SLC24A3: variants seen among roughly 807,000 people sequenced by gnomAD.
SLC24A3 encodes solute carrier family 24 member 3, also known as sodium/potassium/calcium exchanger 3.
SLC24A3 carries 28 observed loss-of-function variants against 75.8 expected under a neutral mutation model. The observed-to-expected ratio is 0.37, with a 90% confidence interval of 0.27 to 0.51. The LOEUF is 0.51. Ranked by LOEUF, SLC24A3 falls within the 20% of genes least tolerant of loss-of-function variation. The pLI, the probability that SLC24A3 is intolerant of heterozygous loss-of-function variation, is 0.94. For missense variants in SLC24A3, 663 were observed against 847.8 expected, an observed-to-expected ratio of 0.78 and a Z score of 2.71; for synonymous variants, 372 against 334.1, an observed-to-expected ratio of 1.11 and a Z score of -1.24.
At chr20:19,436,647 G>T (rs1300445840) in intron 2 of SLC24A3, among the ~76,000 whole-genome samples, 1 of 152,162 alleles carries the variant, frequency 6.6e-6, no homozygotes, top group Non-Finnish European at 1.5e-5. Flanking sequence ...TCATGTATCT[G>T]CTTTCACAGG....
At chr20:19,465,249 G>T (rs1461472914) in intron 2 of SLC24A3, among the ~76,000 whole-genome samples, 1 of 152,122 alleles carries the variant, frequency 6.6e-6, no homozygotes, top group Non-Finnish European at 1.5e-5. Context: ...AAGTTGGGAG[G>T]GTGGAGAACT....
chr20:19,287,799 G>A (rs1010516362), intron 2 of SLC24A3, among the ~76,000 whole-genome samples: 1 of 152,232 alleles, frequency 6.6e-6, no homozygotes, highest in African/African-American at 2.4e-5. Flanking sequence ...TGGCAATTGT[G>A]TGGAAAGAAC....
intron 1 of SLC24A3, among the ~76,000 whole-genome samples, chr20:19,218,469 G>A (rs987269295): frequency 1.3e-5 from 2 of 152,202 alleles, no homozygotes; most frequent in African/African-American, 2.4e-5. Flanking sequence ...AATAGAAGAC[G>A]GGGAATCACC....
At chr20:19,349,939 A>G (rs1175065713) in intron 2 of SLC24A3, among the ~76,000 whole-genome samples, 1 of 152,162 alleles carries the variant, frequency 6.6e-6, no homozygotes, top group African/African-American at 2.4e-5. Flanking sequence ...TTCAGATGAA[A>G]TTATTGTTTC....
At chr20:19,275,333 A>T (rs1983451791) in intron 1 of SLC24A3, among the ~76,000 whole-genome samples, 1 of 152,214 alleles carries the variant, frequency 6.6e-6, no homozygotes, top group African/African-American at 2.4e-5. Flanking sequence ...TGGTATAGGA[A>T]GGGTGCTTGG....
intron 2 of SLC24A3, among the ~76,000 whole-genome samples, chr20:19,357,844 C>A (rs1297040004): frequency 6.6e-6 from 1 of 152,248 alleles, no homozygotes; most frequent in Non-Finnish European, 1.5e-5. Context: ...AGGGAACCTG[C>A]TAGAGCACAC....
At chr20:19,716,463 A>G (rs2033048144) in intron 15 of SLC24A3, among the ~76,000 whole-genome samples, 1 of 151,738 alleles carries the variant, frequency 6.6e-6, no homozygotes, top group African/African-American at 2.4e-5. Context: ...AATGCCCAAC[A>G]GCCACCTGTA....
At chr20:19,384,887 G>A (rs542586594) in intron 2 of SLC24A3, among the ~76,000 whole-genome samples, 4 of 152,210 alleles carry the variant, frequency 2.6e-5, no homozygotes, top group African/African-American at 9.6e-5. Flanking sequence ...TAGGTGTGAG[G>A]TACTATCTCT....
intron 1 of SLC24A3, among the ~76,000 whole-genome samples, chr20:19,279,410 C>T (rs993713967): frequency 6.6e-6 from 1 of 152,238 alleles, no homozygotes; most frequent in South Asian, 2.1e-4. Flanking sequence ...GTCTGTGTCT[C>T]CCCATGGCCC....
At chr20:19,687,689 T>G (rs1209857908) in intron 12 of SLC24A3, among the ~76,000 whole-genome samples, 1 of 152,190 alleles carries the variant, frequency 6.6e-6, no homozygotes, top group Non-Finnish European at 1.5e-5. Context: ...AAGATGTGTG[T>G]GTGAGATGAG....
In SLC24A3 at chr20:19,642,484, C is replaced by G. The variant is rs552221124; in HGVS notation, c.613-11578C>G. Among the ~76,000 whole-genome samples, 13 of 152,322 alleles carry G rather than the reference C, an allele frequency of 8.5e-5. No homozygotes were observed. The South Asian group carries it at 2.3e-3, about 27-fold the overall frequency. Reference sequence around the variant, plus strand: ...TGAAGGGTGAAGGTGAAGAGTAGCTCAGGCTTCCAGGCCCCACACACACCC... The same window carrying G: ...TGAAGGGTGAAGGTGAAGAGTAGCTGAGGCTTCCAGGCCCCACACACACCC... On this transcript the variant is annotated intron_variant, in intron 6 of 16. Transcript: ENST00000328041.
intron 2 of SLC24A3, among the ~76,000 whole-genome samples, chr20:19,340,440 C>T (rs890092424): frequency 1.3e-5 from 2 of 152,212 alleles, no homozygotes; most frequent in African/African-American, 4.8e-5. Flanking sequence ...GCCTCCAGAA[C>T]TGTCAGAGAA....
intron 2 of SLC24A3, among the ~76,000 whole-genome samples, chr20:19,513,702 T>C (rs2029925441): frequency 6.6e-6 from 1 of 150,840 alleles, no homozygotes; most frequent in South Asian, 2.1e-4. Flanking sequence ...AGATTGTGAT[T>C]GGCTAGACAC....
chr20:19,303,452 A>T (rs926560198), intron 2 of SLC24A3, among the ~76,000 whole-genome samples: 2 of 152,280 alleles, frequency 1.3e-5, no homozygotes, highest in East Asian at 3.9e-4. Context: ...TGCTATTGTG[A>T]ATAGTGCTGC....
intron 6 of SLC24A3, among the ~76,000 whole-genome samples, chr20:19,639,977 A>G (rs1600315953): frequency 6.6e-6 from 1 of 152,334 alleles, no homozygotes; most frequent in East Asian, 1.9e-4. Flanking sequence ...GCTGGCCCGC[A>G]AGCGCGGAGC....
intron 2 of SLC24A3, among the ~76,000 whole-genome samples, chr20:19,509,409 A>G (rs1251265325): frequency 1.3e-5 from 2 of 152,238 alleles, no homozygotes; most frequent in Admixed American, 1.3e-4. Flanking sequence ...GGGAGGCGCT[A>G]GAGGCCCCAC....
intron 1 of SLC24A3, among the ~76,000 whole-genome samples, chr20:19,222,701 A>G (rs990222288): frequency 2.6e-5 from 4 of 151,840 alleles, no homozygotes; most frequent in Admixed American, 6.6e-5. Context: ...TAGCAGGACC[A>G]TCCCAAATTA....
chr20:19,655,268 G>A (rs1051984964), intron 7 of SLC24A3, among the ~76,000 whole-genome samples: 7 of 152,110 alleles, frequency 4.6e-5, no homozygotes, highest in Admixed American at 6.5e-5. Flanking sequence ...CAGTCCTCAC[G>A]GCCATCCAAG....
intron 2 of SLC24A3, among the ~76,000 whole-genome samples, chr20:19,438,374 A>G (rs896957563): frequency 6.6e-6 from 1 of 152,198 alleles, no homozygotes; most frequent in Non-Finnish European, 1.5e-5. Flanking sequence ...GAGATCTTCA[A>G]TGTCCGGCTC....
Sources: gnomAD v4.1 joint callset for allele counts (sites outside exome capture counted in the v4.1 genomes callset) on GRCh38, gnomAD v4.1.1 for gene constraint, MANE v1.5 for transcripts, NCBI Gene and HGNC (gene_info 2026-07-23, HGNC 2026-07-21) for gene names.